Variants in VTI1A observed in about 807,000 individuals in gnomAD.
VTI1A encodes the protein vesicle transport through interaction with t-SNAREs 1A.
A neutral mutation model predicts 34.9 loss-of-function variants in VTI1A; 22 were observed. That is an observed-to-expected ratio of 0.63 (90% CI 0.45 to 0.90). VTI1A has a LOEUF of 0.90. Among genes scored for constraint, VTI1A ranks in the 40% least tolerant of loss-of-function variants. VTI1A has a pLI of 0.00. For missense variants in VTI1A, 268 were observed against 275.6 expected, an observed-to-expected ratio of 0.97 and a Z score of 0.20; for synonymous variants, 87 against 97.3, an observed-to-expected ratio of 0.89 and a Z score of 0.62.
intron 5 of VTI1A, among the ~76,000 whole-genome samples, chr10:112,595,545 A>G (rs1844600174): frequency 6.6e-6 from 1 of 152,242 alleles, no homozygotes; most frequent in African/African-American, 2.4e-5. Context: ...TATGCAGCCA[A>G]AAGACACATG....
chr10:112,746,483 G>A (rs984440306), intron 7 of VTI1A, among the ~76,000 whole-genome samples: 2 of 152,170 alleles, frequency 1.3e-5, no homozygotes, highest in Admixed American at 6.5e-5. Context: ...ACACATGGGC[G>A]GAACTCGCTC....
In VTI1A at chr10:112,817,972, C is replaced by A. The variant is rs570569634; in HGVS notation, c.*2589C>A. 6.0e-5 allele frequency: 14 copies of A among 233,062 alleles called. No individual in the cohort carries two copies. The highest frequency in any genetic ancestry group is 1.1e-4 in the Non-Finnish European group (13 of 117,722). 14.4% of individuals were successfully genotyped at this position (233,062 alleles called of 1,614,324 possible). A position where few individuals can be genotyped will look rare whatever the true frequency, so the allele number is the denominator to read the frequency against. On this transcript the variant is annotated 3_prime_UTR_variant, in exon 8 of 8. Transcript: ENST00000393077. ...AAATAAAGTGGATGCTACCCCACTC[C>A]AGAATCAAAAGCAATTTAATTAAAG... is the stretch of plus-strand genomic sequence containing the variant.
the VTI1A span, among the ~76,000 whole-genome samples, chr10:112,854,337 G>A: frequency 7.2e-5 from 11 of 152,218 alleles, no homozygotes; most frequent in Non-Finnish European, 1.6e-4. Context: ...GCAGAAACAG[G>A]CTTAGAACAA....
At chr10:112,497,638 G>C (rs557361949) in intron 3 of VTI1A, among the ~76,000 whole-genome samples, 1 of 152,308 alleles carries the variant, frequency 6.6e-6, no homozygotes, top group South Asian at 2.1e-4. Flanking sequence ...GAATTTCAGA[G>C]TAAAATATAA....
intron 7 of VTI1A, chr10:112,736,598 T>C: frequency 6.9e-7 from 1 of 1,451,888 alleles, no homozygotes. Context: ...AAGTGGCTCC[T>C]CTGATAAGAA....
chr10:112,572,565 A>G (rs1361057021), intron 5 of VTI1A, among the ~76,000 whole-genome samples: 1 of 152,214 alleles, frequency 6.6e-6, no homozygotes, highest in Non-Finnish European at 1.5e-5. Flanking sequence ...TCGGTCAGGC[A>G]TGGTGGCTCA....
At chr10:112,811,683 C>CAAAAA (rs869030543) in intron 7 of VTI1A, among the ~76,000 whole-genome samples, 1 of 11,834 alleles carries the variant, frequency 8.5e-5, no homozygotes, top group Non-Finnish European at 1.5e-4. Flanking sequence ...GACTCCGTCT[C>CAAAAA]AAAAAAAAAA....
At chr10:112,640,563 A>AC (rs965948216) in intron 5 of VTI1A, among the ~76,000 whole-genome samples, 7 of 152,014 alleles carry the variant, frequency 4.6e-5, no homozygotes, top group African/African-American at 1.4e-4. Flanking sequence ...AACAACAACA[A>AC]AAAAAAACCC....
At chr10:112,853,593 T>C in the VTI1A span, among the ~76,000 whole-genome samples, 4 of 152,176 alleles carry the variant, frequency 2.6e-5, no homozygotes, top group Non-Finnish European at 5.9e-5. Context: ...GTGGCAAACA[T>C]CGATGGTCAA....
intron 7 of VTI1A, among the ~76,000 whole-genome samples, chr10:112,720,996 G>A (rs755140918): frequency 6.6e-6 from 1 of 152,076 alleles, no homozygotes; most frequent in Non-Finnish European, 1.5e-5. Context: ...AGTTTACTCA[G>A]TGACATTTAT....
chr10:112,835,114 T>C, the VTI1A span, among the ~76,000 whole-genome samples: 2 of 152,092 alleles, frequency 1.3e-5, no homozygotes, highest in African/African-American at 4.8e-5. Flanking sequence ...ATAAATCTCA[T>C]CTGGGGCTTG....
intron 4 of VTI1A, among the ~76,000 whole-genome samples, chr10:112,535,643 G>C (rs11195988): frequency 0.059 from 9,006 of 152,156 alleles, 505 homozygotes; most frequent in African/African-American, 0.15. Flanking sequence ...ACATTGCGCA[G>C]CTCCTCACAC....
At chr10:112,779,176 T>G (rs1403538223) in intron 7 of VTI1A, among the ~76,000 whole-genome samples, 2 of 152,110 alleles carry the variant, frequency 1.3e-5, no homozygotes, top group African/African-American at 2.4e-5. Context: ...TTTCCAAGAG[T>G]AGAGGCCAGA....
chr10:112,492,967 C>A (rs768074733), intron 3 of VTI1A, among the ~76,000 whole-genome samples: 1 of 152,152 alleles, frequency 6.6e-6, no homozygotes. Flanking sequence ...ATTCGTACTC[C>A]CATTCCATGT....
chr10:112,748,944 T>C (rs1394647229), intron 7 of VTI1A, among the ~76,000 whole-genome samples: 3 of 152,186 alleles, frequency 2.0e-5, no homozygotes, highest in Admixed American at 6.5e-5. Flanking sequence ...TGTTTTGTCT[T>C]ACATGCTTTA....
At chr10:112,709,009 G>T (rs996413069) in intron 7 of VTI1A, among the ~76,000 whole-genome samples, 2 of 152,178 alleles carry the variant, frequency 1.3e-5, no homozygotes, top group African/African-American at 4.8e-5. Flanking sequence ...GGACTTGCTG[G>T]CCCTCCAGCG....
chr10:112,507,498 T>C (rs1033324695), intron 3 of VTI1A, among the ~76,000 whole-genome samples: 12 of 152,194 alleles, frequency 7.9e-5, no homozygotes, highest in Admixed American at 3.9e-4. Context: ...CTCTAACTTT[T>C]GGTGGCTGAA....
chr10:112,724,340 G>A (rs992820486), intron 7 of VTI1A, among the ~76,000 whole-genome samples: 8 of 152,152 alleles, frequency 5.3e-5, no homozygotes, highest in Admixed American at 3.9e-4. Context: ...GTTGCTTACC[G>A]TGACATATTG....
chr10:112,843,807 TATCTC>T, the VTI1A span, among the ~76,000 whole-genome samples: 1 of 152,038 alleles, frequency 6.6e-6, no homozygotes, highest in Non-Finnish European at 1.5e-5. Flanking sequence ...CCCCTGTCCT[TATCTC>T]ATTTCACTTC....
Sources: gnomAD v4.1 joint callset for allele counts (sites outside exome capture counted in the v4.1 genomes callset) on GRCh38, gnomAD v4.1.1 for gene constraint, MANE v1.5 for transcripts, NCBI Gene and HGNC (gene_info 2026-07-23, HGNC 2026-07-21) for gene names.